PAK3: variants seen among roughly 807,000 people sequenced by gnomAD.
PAK3 encodes the protein p21 (RAC1) activated kinase 3.
Under a neutral mutation model 41.0 loss-of-function variants are expected in PAK3, and 4 were observed. The observed-to-expected ratio is 0.10, with a 90% CI of 0.05 to 0.22. The LOEUF (loss-of-function observed/expected upper bound fraction) is 0.22, where lower values mean the gene tolerates loss of function less well. Ranked by LOEUF, PAK3 falls within the 10% of genes least tolerant of loss-of-function variation. The pLI, the probability that PAK3 is intolerant of heterozygous loss-of-function variation, is 1.00. For synonymous variants in PAK3, 146 were observed against 139.6 expected (o/e 1.05, Z -0.32); for missense variants, 205 against 409.9 (o/e 0.50, Z 4.32).
At chrX:111,196,746 C>A in intron 16 of PAK3, 106 bp downstream of exon 16, 1 of 528,881 alleles carries the variant, frequency 1.9e-6, no homozygotes, top group South Asian at 3.1e-5. Context: ...TTTTCTGAGA[C>A]CAGTAACATA....
intron 7 of PAK3, among the ~76,000 whole-genome samples, chrX:111,150,513 C>A (rs775508888): frequency 1.5e-4 from 17 of 111,951 alleles, no homozygotes; most frequent in Admixed American, 7.6e-4. Flanking sequence ...GCCTCAGAAT[C>A]ATGGTGGGAG....
At chrX:111,156,081 A>G (rs1212208993) in intron 8 of PAK3, among the ~76,000 whole-genome samples, 2 of 111,668 alleles carry the variant, frequency 1.8e-5, no homozygotes, top group Non-Finnish European at 1.9e-5. Context: ...AAATGGTGAG[A>G]CTGGATGAAG....
chrX:111,110,984 C>G (rs2093361493), intron 4 of PAK3, among the ~76,000 whole-genome samples: 1 of 112,002 alleles, frequency 8.9e-6, no homozygotes, highest in Non-Finnish European at 1.9e-5. Context: ...TCTCAGGGAT[C>G]ATTAGTCACT....
intron 4 of PAK3, among the ~76,000 whole-genome samples, chrX:111,105,913 TGACA>T (rs1428969841): frequency 8.9e-6 from 1 of 112,215 alleles, no homozygotes; most frequent in African/African-American, 3.2e-5. Context: ...TCACATTGAC[TGACA>T]CATATATAGG....
At chrX:111,042,627 A>G (rs982229925) in intron 1 of PAK3, among the ~76,000 whole-genome samples, 2 of 111,670 alleles carry the variant, frequency 1.8e-5, no homozygotes, top group Non-Finnish European at 3.8e-5. Flanking sequence ...GCAACCACAT[A>G]TCAAATGGCT....
chrX:111,044,498 C>A (rs915421024), intron 1 of PAK3, among the ~76,000 whole-genome samples: 3 of 112,010 alleles, frequency 2.7e-5, no homozygotes, highest in Admixed American at 9.5e-5. Flanking sequence ...CTTCTCCTTT[C>A]CTTTATTCCC....
At chrX:111,081,670 A>G (rs1245857882) in intron 1 of PAK3, among the ~76,000 whole-genome samples, 1 of 112,081 alleles carries the variant, frequency 8.9e-6, no homozygotes, top group Non-Finnish European at 1.9e-5. Flanking sequence ...TAGCCACTCT[A>G]CAATGTATAC....
intron 10 of PAK3, among the ~76,000 whole-genome samples, chrX:111,166,086 G>A (rs1399804752): frequency 9.0e-6 from 1 of 110,834 alleles, no homozygotes; most frequent in Non-Finnish European, 1.9e-5. Flanking sequence ...GATTTTGGCA[G>A]GGTGAACCTG....
chrX:110,999,692 A>C (rs1484255734), intron 1 of PAK3, among the ~76,000 whole-genome samples: 2 of 107,357 alleles, frequency 1.9e-5, no homozygotes, highest in East Asian at 5.8e-4. Flanking sequence ...AAAAAAAAAA[A>C]GCCAGGTGCA....
Position 111,220,469 on chromosome X carries a change from C to T in PAK3, c.*22C>T. On this transcript the variant is annotated 3_prime_UTR_variant, in exon 18 of 18. Coordinates refer to ENST00000372007, the MANE Select transcript of PAK3 (RefSeq NM_002578.5). Reference sequence around the variant, plus strand: ...CTAAGACTGCAAGCCTTACACCTCACCATCTCCCTCATGAGTAAGACTGAA... The same window carrying T: ...CTAAGACTGCAAGCCTTACACCTCATCATCTCCCTCATGAGTAAGACTGAA... 3 of 981,330 alleles carry T rather than the reference C, an allele frequency of 3.1e-6. No individual in the cohort carries two copies. Among genetic ancestry groups the T allele is most frequent in the Non-Finnish European group, 4.4e-6 (3 of 687,643 alleles). 80.9% of individuals were successfully genotyped at this position (981,330 alleles called of 1,213,427 possible). A position where few individuals can be genotyped will look rare whatever the true frequency, so the allele number is the denominator to read the frequency against.
intron 1 of PAK3, among the ~76,000 whole-genome samples, chrX:111,039,517 A>G (rs2092432634): frequency 9.0e-6 from 1 of 111,435 alleles, no homozygotes; most frequent in Non-Finnish European, 1.9e-5. Context: ...ACCACCTGTC[A>G]CTCTCACTAA....
intron 16 of PAK3, among the ~76,000 whole-genome samples, chrX:111,212,065 G>A (rs147122831): frequency 1.0e-3 from 113 of 111,934 alleles, no homozygotes; most frequent in African/African-American, 3.6e-3. Flanking sequence ...GAACCTGGTG[G>A]ACTATTTATA....
chrX:111,227,170 G>A lies in PAK3; in HGVS notation c.*6723G>A, dbSNP rs2094957140. On this transcript the variant is annotated 3_prime_UTR_variant, in exon 18 of 18. Transcript: ENST00000372007. Reference sequence around the variant, plus strand: ...TCTTTTGTAGACCTGCTGATGGTATGGTTCCATCCTTCTGACCTCAGCATC... The same window carrying A: ...TCTTTTGTAGACCTGCTGATGGTATAGTTCCATCCTTCTGACCTCAGCATC... 1 of 111,906 alleles carries A rather than the reference G, an allele frequency of 8.9e-6. No individual in the cohort carries two copies. Among genetic ancestry groups the A allele is most frequent in the Non-Finnish European group, 1.9e-5 (1 of 53,171 alleles). 9.2% of individuals were successfully genotyped at this position (111,906 alleles called of 1,213,427 possible). A position where few individuals can be genotyped will look rare whatever the true frequency, so the allele number is the denominator to read the frequency against.
At chrX:111,005,303 C>T (rs2091906245) in intron 1 of PAK3, among the ~76,000 whole-genome samples, 1 of 111,536 alleles carries the variant, frequency 9.0e-6, no homozygotes, top group Admixed American at 9.5e-5. Context: ...ACCCAACAGA[C>T]TGAATGTCAT....
At chrX:110,990,680 G>A (rs1344735292) in intron 1 of PAK3, among the ~76,000 whole-genome samples, 2 of 111,031 alleles carry the variant, frequency 1.8e-5, no homozygotes, top group East Asian at 5.6e-4. Flanking sequence ...CTGGTCAGGG[G>A]CAACAGCACA....
At chrX:111,135,802 C>A (rs1411299713) in intron 5 of PAK3, among the ~76,000 whole-genome samples, 2 of 111,288 alleles carry the variant, frequency 1.8e-5, no homozygotes, top group Non-Finnish European at 3.8e-5. Context: ...ATCTAGATTA[C>A]CTTTTCAAGA....
chrX:111,178,507 T>C (rs1260129402), intron 11 of PAK3, among the ~76,000 whole-genome samples: 1 of 111,765 alleles, frequency 8.9e-6, no homozygotes, highest in Non-Finnish European at 1.9e-5. Context: ...ACGTATCTCA[T>C]AAGGTTGTAA....
At chrX:111,056,403 T>C (rs1208992018) in intron 1 of PAK3, among the ~76,000 whole-genome samples, 2 of 111,902 alleles carry the variant, frequency 1.8e-5, no homozygotes, top group Non-Finnish European at 3.8e-5. Flanking sequence ...AATATTTGCT[T>C]AAAAAATCCC....
intron 1 of PAK3, among the ~76,000 whole-genome samples, chrX:111,059,170 G>T (rs1316119704): frequency 2.5e-5 from 1 of 39,875 alleles, no homozygotes; most frequent in Admixed American, 3.7e-4. Context: ...GCTTTTGTTT[G>T]CTTGTTTGTT....
Sources: gnomAD v4.1 joint callset for allele counts (sites outside exome capture counted in the v4.1 genomes callset) on GRCh38, gnomAD v4.1.1 for gene constraint, MANE v1.5 for transcripts, NCBI Gene and HGNC (gene_info 2026-07-23, HGNC 2026-07-21) for gene names.